The following SLC26A7 variants were observed in gnomAD, a reference collection of about 807,000 sequenced individuals.
SLC26A7 encodes solute carrier family 26 member 7, also known as anion exchange transporter.
SLC26A7 carries 59 observed loss-of-function variants against 82.5 expected under a neutral mutation model. That is an observed-to-expected ratio of 0.72 (90% CI 0.58 to 0.89). The LOEUF is 0.89. Among genes scored for constraint, SLC26A7 ranks in the 40% least tolerant of loss-of-function variants. SLC26A7 has a pLI of 0.00. For missense variants in SLC26A7, 820 were observed against 793.0 expected (o/e 1.03, Z -0.41); for synonymous variants, 271 against 274.3 (o/e 0.99, Z 0.12).
intron 2 of SLC26A7, among the ~76,000 whole-genome samples, chr8:91,263,460 A>G (rs952106281): frequency 6.6e-6 from 1 of 152,114 alleles, no homozygotes; most frequent in Non-Finnish European, 1.5e-5. Flanking sequence ...GAAAGCAACT[A>G]TAAGTGCAAA....
chr8:91,220,217 A>G (rs1810136778), intron 2 of SLC26A7, among the ~76,000 whole-genome samples: 1 of 152,182 alleles, frequency 6.6e-6, no homozygotes, highest in East Asian at 1.9e-4. Flanking sequence ...CATTTTAAAC[A>G]AAAATAAAAA....
At chr8:91,224,522 T>G (rs1472215102) in intron 2 of SLC26A7, among the ~76,000 whole-genome samples, 1 of 152,172 alleles carries the variant, frequency 6.6e-6, no homozygotes, top group Non-Finnish European at 1.5e-5. Context: ...GAGATGTCAC[T>G]CAAGGAGGCT....
Position 91,249,720 on chromosome 8 carries a change from CATT to C in SLC26A7, c.72_74del (p.Ile25del). 6.2e-7 allele frequency: 1 copy of C among 1,608,428 alleles called. No individual in the cohort carries two copies. Among genetic ancestry groups the C allele is most frequent in the Non-Finnish European group, 8.5e-7 (1 of 1,177,348 alleles). ...AGATGCATACCCCCCAGTGTGAAGACATTATACAGTGGTGTAGAAGGCGACTGC... is the reference window on the plus strand; with the variant it reads ...AGATGCATACCCCCCAGTGTGAAGACATACAGTGGTGTAGAAGGCGACTGC... On this transcript the variant is annotated inframe_deletion, in exon 2 of 19. Transcript: ENST00000276609.
At chr8:91,339,765 G>T (rs1448437431) in intron 7 of SLC26A7, among the ~76,000 whole-genome samples, 1 of 151,982 alleles carries the variant, frequency 6.6e-6, no homozygotes, top group Non-Finnish European at 1.5e-5. Flanking sequence ...CAAGGGCTGG[G>T]TATTATTTGA....
chr8:91,386,231 G>T (rs1814795847), intron 15 of SLC26A7, among the ~76,000 whole-genome samples: 1 of 152,092 alleles, frequency 6.6e-6, no homozygotes, highest in Non-Finnish European at 1.5e-5. Context: ...TATTCTTTCA[G>T]ATTACAGTTT....
intron 15 of SLC26A7, among the ~76,000 whole-genome samples, chr8:91,374,750 A>G: frequency 6.6e-6 from 1 of 152,012 alleles, no homozygotes; most frequent in Non-Finnish European, 1.5e-5. Flanking sequence ...AGGTCAATCC[A>G]GTCAAGAATC....
At chr8:91,247,842 T>G (rs1160791447), upstream of SLC26A7, among the ~76,000 whole-genome samples, 2 of 152,158 alleles carry the variant, frequency 1.3e-5, no homozygotes, top group Non-Finnish European at 2.9e-5. Context: ...TTTCTCATAT[T>G]GTTAACATAC....
intron 4 of SLC26A7, among the ~76,000 whole-genome samples, chr8:91,313,873 C>T (rs552363029): frequency 3.2e-4 from 48 of 152,314 alleles, no homozygotes; most frequent in Admixed American, 5.2e-4. Flanking sequence ...ATATTCTATC[C>T]GCTTGGCTAA....
At chr8:91,293,182 G>A (rs1262657967) in intron 3 of SLC26A7, among the ~76,000 whole-genome samples, 5 of 152,136 alleles carry the variant, frequency 3.3e-5, no homozygotes, top group Non-Finnish European at 5.9e-5. Flanking sequence ...GCTGGGATTC[G>A]AACTTGGGTC....
chr8:91,324,414 G>T (rs1226705409), intron 5 of SLC26A7, among the ~76,000 whole-genome samples: 2 of 152,168 alleles, frequency 1.3e-5, no homozygotes, highest in African/African-American at 4.8e-5. Context: ...GAGAGGGCAT[G>T]CCTGGGCAAT....
At chr8:91,379,518 T>C (rs1273287282) in intron 15 of SLC26A7, among the ~76,000 whole-genome samples, 1 of 152,020 alleles carries the variant, frequency 6.6e-6, no homozygotes, top group African/African-American at 2.4e-5. Context: ...CTCACATGTA[T>C]TGCAGTTTTA....
At chr8:91,351,751 G>A in intron 9 of SLC26A7, 59 bp from the exon 10 acceptor site, 1 of 1,148,020 alleles carries the variant, frequency 8.7e-7, no homozygotes. Flanking sequence ...CCATAACTTT[G>A]ACATAATAAA....
intron 1 of SLC26A7, among the ~76,000 whole-genome samples, chr8:91,210,310 C>CT (rs1809885508): frequency 6.6e-6 from 1 of 152,124 alleles, no homozygotes; most frequent in Non-Finnish European, 1.5e-5. Flanking sequence ...CCTTCTGTCT[C>CT]TTTTTTCCTG....
At chr8:91,276,655 A>G (rs1434973841) in intron 2 of SLC26A7, among the ~76,000 whole-genome samples, 1 of 151,908 alleles carries the variant, frequency 6.6e-6, no homozygotes, top group Non-Finnish European at 1.5e-5. Context: ...CTATGTTGGG[A>G]CTCTCATCAG....
At position 91,334,201 on chromosome 8, in the gene SLC26A7, A is replaced by T. The variant is rs1233954013; in HGVS notation, c.643-94A>T. On this transcript the variant is annotated intron_variant, in intron 5 of 18. Coordinates refer to ENST00000276609, the MANE Select transcript of SLC26A7 (RefSeq NM_052832.4). The stretch of plus-strand genomic sequence containing the variant: ...TCTCCCTAGCCATTAAGATAGTTTT[A>T]TAAAACATCATTGAGTTTATTGGGG... The T allele has an allele frequency of 2.5e-6, 3 of 1,211,752 alleles. No homozygotes were observed. In the African/African-American group the frequency reaches 4.6e-5, roughly 19 times the overall value. The allele number at this position is 1,211,752 out of a possible 1,614,324, so 75.1% of individuals were successfully genotyped here.
At chr8:91,359,760 A>G (rs1813995062) in intron 11 of SLC26A7, among the ~76,000 whole-genome samples, 1 of 152,194 alleles carries the variant, frequency 6.6e-6, no homozygotes, top group African/African-American at 2.4e-5. Flanking sequence ...CATTCAAAGT[A>G]TGAATATTGC....
intron 2 of SLC26A7, among the ~76,000 whole-genome samples, chr8:91,278,705 TA>T (rs1586355077): frequency 6.6e-6 from 1 of 152,296 alleles, no homozygotes; most frequent in East Asian, 1.9e-4. Context: ...ATGAAATGGC[TA>T]AATCAAGCTA....
chr8:91,369,016 G>T (rs548575684), intron 14 of SLC26A7, among the ~76,000 whole-genome samples: 24 of 152,174 alleles, frequency 1.6e-4, no homozygotes, highest in Admixed American at 1.5e-3. Context: ...AACTGATCTC[G>T]TGAGAGAAGC....
chr8:91,253,193 T>C (rs1224965755), intron 2 of SLC26A7, among the ~76,000 whole-genome samples: 5 of 152,044 alleles, frequency 3.3e-5, no homozygotes, highest in African/African-American at 9.7e-5. Flanking sequence ...ACACAGCAAA[T>C]GAGTGGAAGA....
Sources: gnomAD v4.1 joint callset for allele counts (sites outside exome capture counted in the v4.1 genomes callset) on GRCh38, gnomAD v4.1.1 for gene constraint, MANE v1.5 for transcripts, NCBI Gene and HGNC (gene_info 2026-07-23, HGNC 2026-07-21) for gene names.